PRKCE: variants seen among roughly 807,000 people sequenced by gnomAD.
PRKCE encodes the protein protein kinase C epsilon.
A neutral mutation model predicts 85.4 loss-of-function variants in PRKCE; 16 were observed. The observed-to-expected ratio is 0.19, with a 90% CI of 0.13 to 0.28. PRKCE has a LOEUF of 0.28. Among genes scored for constraint, PRKCE ranks in the 10% least tolerant of loss-of-function variants. PRKCE has a pLI of 1.00. For missense variants in PRKCE, 573 were observed against 975.2 expected (o/e 0.59, Z 5.49); for synonymous variants, 388 against 371.5 (o/e 1.04, Z -0.51).
intron 11 of PRKCE, among the ~76,000 whole-genome samples, chr2:46,141,149 T>C (rs1675478933): frequency 6.8e-6 from 1 of 147,590 alleles, no homozygotes; most frequent in Non-Finnish European, 1.5e-5. Flanking sequence ...GAAATGTGTA[T>C]AGTTACCCTC....
intron 11 of PRKCE, among the ~76,000 whole-genome samples, chr2:46,143,987 T>C (rs1675816904): frequency 6.6e-6 from 1 of 152,176 alleles, no homozygotes; most frequent in South Asian, 2.1e-4. Flanking sequence ...ATGGGCCTTC[T>C]TTGCAAGACC....
intron 11 of PRKCE, among the ~76,000 whole-genome samples, chr2:46,100,743 C>T (rs1396464690): frequency 1.3e-5 from 2 of 152,200 alleles, no homozygotes; most frequent in African/African-American, 2.4e-5. Context: ...CAACAGACAA[C>T]GAGTAAGTCA....
intron 12 of PRKCE, among the ~76,000 whole-genome samples, chr2:46,147,070 G>C (rs1217375025): frequency 6.6e-6 from 1 of 152,140 alleles, no homozygotes; most frequent in Non-Finnish European, 1.5e-5. Flanking sequence ...AGACAGGGGA[G>C]GCCTGAGGAA....
At chr2:46,123,830 G>A (rs375615800) in intron 11 of PRKCE, among the ~76,000 whole-genome samples, 2 of 152,278 alleles carry the variant, frequency 1.3e-5, no homozygotes, top group South Asian at 2.1e-4. Flanking sequence ...TCAGAAGTTT[G>A]GTGGTAAGGA....
chr2:45,881,913 TG>T (rs1250711863), intron 2 of PRKCE, among the ~76,000 whole-genome samples: 1 of 152,128 alleles, frequency 6.6e-6, no homozygotes, highest in Non-Finnish European at 1.5e-5. Flanking sequence ...CCCTGGAGCA[TG>T]TGGAGCTCTG....
intron 1 of PRKCE, among the ~76,000 whole-genome samples, chr2:45,695,191 C>T (rs1480643267): frequency 6.6e-6 from 1 of 152,128 alleles, no homozygotes; most frequent in African/African-American, 2.4e-5. Flanking sequence ...AGTGTTTCTC[C>T]TTTTTTCTCT....
chr2:45,797,355 C>T (rs889482540), intron 1 of PRKCE, among the ~76,000 whole-genome samples: 1 of 152,190 alleles, frequency 6.6e-6, no homozygotes, highest in African/African-American at 2.4e-5. Context: ...GGTTTCTCAG[C>T]TCTCCACGAC....
In PRKCE at chr2:46,001,378, T is replaced by A; in HGVS notation, c.824-26T>A. Reference sequence around the variant, plus strand: ...ACATCTTAGGCCATGAACACTTATCTGTCTTTTCTCCATGTCTCCTTACAG... The same window carrying A: ...ACATCTTAGGCCATGAACACTTATCAGTCTTTTCTCCATGTCTCCTTACAG... On this transcript the variant is annotated intron_variant, in intron 6 of 14. Coordinates refer to ENST00000306156, the MANE Select transcript of PRKCE (RefSeq NM_005400.3). The surrounding 1 kb of genome is among the most constrained non-coding windows in gnomAD (Gnocchi z 4.4). 1 of 1,588,532 alleles carries A rather than the reference T, an allele frequency of 6.3e-7. No homozygotes were observed. Among genetic ancestry groups the A allele is most frequent in the Non-Finnish European group, 8.5e-7 (1 of 1,172,216 alleles).
At chr2:46,086,613 TAA>T (rs1162712569) in intron 11 of PRKCE, among the ~76,000 whole-genome samples, 1 of 152,220 alleles carries the variant, frequency 6.6e-6, no homozygotes, top group Non-Finnish European at 1.5e-5. Context: ...CATGACATTT[TAA>T]AGGCTTGGTG....
chr2:45,868,915 G>C (rs930591070), intron 2 of PRKCE, among the ~76,000 whole-genome samples: 1 of 150,120 alleles, frequency 6.7e-6, no homozygotes, highest in African/African-American at 2.4e-5. Context: ...CCAAGATCGT[G>C]CCACTGCACT....
At chr2:46,057,566 C>T (rs1295627558) in intron 10 of PRKCE, among the ~76,000 whole-genome samples, 2 of 151,982 alleles carry the variant, frequency 1.3e-5, no homozygotes, top group Non-Finnish European at 1.5e-5. Flanking sequence ...TCCCGAGTAG[C>T]TGGGATTACA....
intron 1 of PRKCE, among the ~76,000 whole-genome samples, chr2:45,745,680 G>T (rs1304877016): frequency 1.3e-5 from 2 of 152,132 alleles, no homozygotes; most frequent in African/African-American, 4.8e-5. Flanking sequence ...AGATGCCTGG[G>T]AGGTGGAGAG....
At chr2:45,998,630 T>A (rs560184024) in intron 6 of PRKCE, among the ~76,000 whole-genome samples, 19 of 152,300 alleles carry the variant, frequency 1.2e-4, no homozygotes, top group African/African-American at 4.6e-4. Context: ...TTAATTGGTA[T>A]ATTTAGACTA....
intron 1 of PRKCE, among the ~76,000 whole-genome samples, chr2:45,789,419 T>C (rs1260728194): frequency 1.3e-5 from 2 of 152,240 alleles, no homozygotes; most frequent in African/African-American, 4.8e-5. Context: ...CCTAGGACCA[T>C]AGTGAGACCT....
chr2:46,005,179 C>G (rs1238989110), intron 8 of PRKCE, among the ~76,000 whole-genome samples: 10 of 152,162 alleles, frequency 6.6e-5, no homozygotes, highest in Admixed American at 6.5e-4. Flanking sequence ...GGAAGGAGGC[C>G]AGTCCTAGGC....
chr2:45,804,202 G>C (rs1688078576), intron 1 of PRKCE, among the ~76,000 whole-genome samples: 1 of 152,202 alleles, frequency 6.6e-6, no homozygotes, highest in African/African-American at 2.4e-5. Context: ...ACCCAATGCT[G>C]CGTAGCCAAA....
Position 45,786,891 on chromosome 2 carries a change from C to T in PRKCE, c.349-56109C>T, listed in dbSNP as rs1220623015. Among the ~76,000 whole-genome samples, 1 of 152,192 alleles carries T rather than the reference C, an allele frequency of 6.6e-6. No homozygotes were observed. The highest frequency in any genetic ancestry group is 1.5e-5 in the Non-Finnish European group (1 of 68,036). ...GGCAATAGTAGAGATGCGATTCAAA[C>T]CCTAGGGAATACGATTCCAGAACCT... is the stretch of plus-strand genomic sequence containing the variant. On this transcript the variant is annotated intron_variant, in intron 1 of 14. Transcript: ENST00000306156. This position sits in a 1 kb window ranked among gnomAD's most constrained non-coding sequence, Gnocchi z 5.3.
At chr2:46,006,110 C>T (rs776217755) in intron 8 of PRKCE, among the ~76,000 whole-genome samples, 80 of 152,186 alleles carry the variant, frequency 5.3e-4, no homozygotes, top group Non-Finnish European at 9.4e-4. Context: ...TTGACACAGA[C>T]GCCAGGATTT....
At chr2:45,878,362 C>T (rs544854026) in intron 2 of PRKCE, among the ~76,000 whole-genome samples, 1 of 151,774 alleles carries the variant, frequency 6.6e-6, no homozygotes, top group African/African-American at 2.4e-5. Flanking sequence ...GCTTGAATAT[C>T]TCAAGTTACA....
Sources: allele counts gnomAD v4.1 joint callset (sites outside exome capture counted in the v4.1 genomes callset), GRCh38; gene constraint gnomAD v4.1.1; non-coding constraint Gnocchi (gnomAD v3.1); transcripts MANE v1.5; gene names NCBI Gene and HGNC (gene_info 2026-07-23, HGNC 2026-07-21).